The following VAT1L variants were observed in gnomAD, a reference collection of about 807,000 sequenced individuals.
VAT1L encodes the protein vesicle amine transport 1 like.
In VAT1L, 34 loss-of-function variants were observed where a neutral mutation model predicts 44.1. The observed-to-expected ratio is 0.77, with a 90% CI of 0.59 to 1.03. The LOEUF (loss-of-function observed/expected upper bound fraction) is 1.03, where lower values mean the gene tolerates loss of function less well. Ranked by LOEUF, VAT1L falls within the 50% of genes least tolerant of loss-of-function variation. The pLI, the probability that VAT1L is intolerant of heterozygous loss-of-function variation, is 0.00. For synonymous variants in VAT1L, 253 were observed against 202.2 expected (o/e 1.25, Z -2.13); for missense variants, 615 against 538.8 (o/e 1.14, Z -1.40).
At chr16:77,975,521 C>A (rs389872) in intron 8 of VAT1L, among the ~76,000 whole-genome samples, 14,726 of 152,118 alleles carry the variant, frequency 0.097, 821 homozygotes, top group African/African-American at 0.13. Context: ...CATGACCAGT[C>A]TCAGCCCTCA....
intron 2 of VAT1L, among the ~76,000 whole-genome samples, chr16:77,819,000 A>ATT (rs11410141): frequency 7.3e-5 from 11 of 150,994 alleles, no homozygotes; most frequent in Admixed American, 5.3e-4. Flanking sequence ...GCCAGGACTG[A>ATT]TTTTTTTTTT....
intron 3 of VAT1L, among the ~76,000 whole-genome samples, chr16:77,842,553 T>G (rs1458120359): frequency 1.3e-5 from 2 of 152,168 alleles, no homozygotes; most frequent in African/African-American, 2.4e-5. Flanking sequence ...GTTTTCTAGG[T>G]AGCCAAGAAA....
chr16:77,959,268 A>C (rs1489580225), intron 7 of VAT1L, among the ~76,000 whole-genome samples: 1 of 151,992 alleles, frequency 6.6e-6, no homozygotes, highest in Non-Finnish European at 1.5e-5. Flanking sequence ...TTTTCCAGTC[A>C]CTCTTCCATC....
intron 7 of VAT1L, among the ~76,000 whole-genome samples, chr16:77,908,819 C>G (rs1165979249): frequency 2.6e-5 from 4 of 152,016 alleles, no homozygotes; most frequent in Non-Finnish European, 5.9e-5. Flanking sequence ...GAGGCTGAGG[C>G]AGGAGCACGG....
rs66461822 is a variant in VAT1L, at chr16:77,946,279, C to CTTTTTTTTTTTTTTTTTTTTTTTTTTTT, written c.1078-25549_1078-25548insTTTTTTTTTTTTTTTTTTTTTTTTTTTT. The stretch of plus-strand genomic sequence containing the variant: ...GTTCTGGACATCTAGGTTACTTGTT[C>CTTTTTTTTTTTTTTTTTTTTTTTTTTTT]TTTTTTTTTTTTTTTTTTTTTTGAG... On this transcript the variant is annotated intron_variant, in intron 7 of 8. Coordinates refer to ENST00000302536, the MANE Select transcript of VAT1L (RefSeq NM_020927.3). Among the ~76,000 whole-genome samples the CTTTTTTTTTTTTTTTTTTTTTTTTTTTT allele has an allele frequency of 1.6e-4, 11 of 70,428 alleles. 5 individuals carry two copies. Among genetic ancestry groups the CTTTTTTTTTTTTTTTTTTTTTTTTTTTT allele is most frequent in the Non-Finnish European group, 2.3e-4 (9 of 39,608 alleles). The allele number at this position is 70,428 out of a possible 152,430, so 46.2% of individuals were successfully genotyped here.
At chr16:77,945,885 C>G (rs182243317) in intron 7 of VAT1L, among the ~76,000 whole-genome samples, 3 of 151,724 alleles carry the variant, frequency 2.0e-5, no homozygotes, top group African/African-American at 7.3e-5. Context: ...TCACTGCCCC[C>G]TCTGCTTCCC....
chr16:77,914,100 A>T (rs1567506892), intron 7 of VAT1L, among the ~76,000 whole-genome samples: 1 of 152,244 alleles, frequency 6.6e-6, no homozygotes, highest in African/African-American at 2.4e-5. Context: ...GAATTACAAA[A>T]TAGATGCAGC....
intron 7 of VAT1L, among the ~76,000 whole-genome samples, chr16:77,947,592 T>A (rs558265249): frequency 1.3e-5 from 2 of 152,202 alleles, no homozygotes; most frequent in South Asian, 4.2e-4. Flanking sequence ...TCCCTCCTGC[T>A]CACATAAGAG....
chr16:77,858,854 G>C (rs2016887050), intron 3 of VAT1L, among the ~76,000 whole-genome samples: 1 of 151,990 alleles, frequency 6.6e-6, no homozygotes, highest in Non-Finnish European at 1.5e-5. Flanking sequence ...ATTTTAAAAA[G>C]GCTGGGCTTG....
At chr16:77,974,394 C>T (rs2018313113) in intron 8 of VAT1L, among the ~76,000 whole-genome samples, 1 of 152,216 alleles carries the variant, frequency 6.6e-6, no homozygotes, top group South Asian at 2.1e-4. Flanking sequence ...TGGGATGCTC[C>T]TGTGTCCATC....
Position 77,977,809 on chromosome 16 carries a change from G to C in VAT1L, c.*114G>C, listed in dbSNP as rs1377939781. The C allele has an allele frequency of 3.9e-6, 4 of 1,033,414 alleles. No individual in the cohort carries two copies. The highest frequency in any genetic ancestry group is 2.6e-5 in the East Asian group (1 of 38,156). 64.0% of individuals were successfully genotyped at this position (1,033,414 alleles called of 1,614,324 possible). ...CTGTAGTCCAGTGCGTGTCGTGTTT[G>C]TCTGCAGTCAGCTGAGCTAAAAAGC... On this transcript the variant is annotated 3_prime_UTR_variant, in exon 9 of 9. Coordinates refer to ENST00000302536, the MANE Select transcript of VAT1L (RefSeq NM_020927.3).
chr16:77,879,963 G>T lies in VAT1L; in HGVS notation c.882+739G>T, dbSNP rs2017132194. ...TCGGAGATAGAAATGAGGACCCTAT[G>T]ACCTTAACAAGATCCTGAGGTGACT... On this transcript the variant is annotated intron_variant, in intron 6 of 8. Transcript: ENST00000302536. The surrounding 1 kb of genome is among the most constrained non-coding windows in gnomAD (Gnocchi z 4.1). Among the ~76,000 whole-genome samples the T allele has an allele frequency of 3.3e-5, 5 of 152,116 alleles. No individual in the cohort carries two copies.
At chr16:77,919,324 G>A (rs1334615998) in intron 7 of VAT1L, among the ~76,000 whole-genome samples, 16 of 152,154 alleles carry the variant, frequency 1.1e-4, no homozygotes, top group Non-Finnish European at 2.4e-4. Context: ...TGTTTTGATT[G>A]GAAAGGATGC....
intron 7 of VAT1L, among the ~76,000 whole-genome samples, chr16:77,931,409 A>C (rs1009327733): frequency 6.6e-6 from 1 of 152,184 alleles, no homozygotes; most frequent in African/African-American, 2.4e-5. Flanking sequence ...CATAGAAATA[A>C]CTTTTACATC....
At chr16:77,941,457 C>A (rs1315504763) in intron 7 of VAT1L, among the ~76,000 whole-genome samples, 7 of 152,172 alleles carry the variant, frequency 4.6e-5, no homozygotes, top group African/African-American at 1.7e-4. Context: ...TGATTTCAAG[C>A]TATCAACCAG....
At chr16:77,963,799 A>G (rs998643318) in intron 7 of VAT1L, among the ~76,000 whole-genome samples, 11 of 152,146 alleles carry the variant, frequency 7.2e-5, no homozygotes, top group African/African-American at 2.4e-4. Flanking sequence ...TGGGGAAGCC[A>G]TGGGAAAGTG....
At chr16:77,913,011 T>C (rs1006387613) in intron 7 of VAT1L, among the ~76,000 whole-genome samples, 1 of 152,156 alleles carries the variant, frequency 6.6e-6, no homozygotes, top group Non-Finnish European at 1.5e-5. Flanking sequence ...CCTCACCCCC[T>C]AATACCATCA....
intron 8 of VAT1L, 42 bp downstream of exon 8, chr16:77,971,975 G>A (rs775502260): frequency 2.5e-6 from 4 of 1,582,150 alleles, no homozygotes; most frequent in East Asian, 2.3e-5. Flanking sequence ...CCACGCGAGA[G>A]AGCACCACGG....
intron 7 of VAT1L, among the ~76,000 whole-genome samples, chr16:77,955,616 T>C (rs961945942): frequency 6.6e-6 from 1 of 151,936 alleles, no homozygotes; most frequent in Admixed American, 6.6e-5. Context: ...CCCCAGCTAC[T>C]TGGGAGGCTG....
Sources: allele counts gnomAD v4.1 joint callset (sites outside exome capture counted in the v4.1 genomes callset), GRCh38; gene constraint gnomAD v4.1.1; non-coding constraint Gnocchi (gnomAD v3.1); transcripts MANE v1.5; gene names NCBI Gene and HGNC (gene_info 2026-07-23, HGNC 2026-07-21).